PABPC4L: variants seen among roughly 807,000 people sequenced by gnomAD.
PABPC4L encodes the protein polyadenylate-binding protein 4-like.
For missense variants in PABPC4L, 452 were observed against 451.4 expected, an observed-to-expected ratio of 1.00 and a Z score of -0.01; for synonymous variants, 169 against 164.1, an observed-to-expected ratio of 1.03 and a Z score of -0.23.
At chr4:133,973,053 A>G in the PABPC4L span, among the ~76,000 whole-genome samples, 2 of 152,140 alleles carry the variant, frequency 1.3e-5, no homozygotes, top group Admixed American at 6.6e-5. Context: ...TAATAGATAG[A>G]ATATAATTTC....
At chr4:134,022,714 G>A in the PABPC4L span, among the ~76,000 whole-genome samples, 2 of 151,952 alleles carry the variant, frequency 1.3e-5, no homozygotes, top group South Asian at 4.2e-4. Context: ...ATTATAGACT[G>A]TCTTTAAGCT....
rs1729699841 is a variant in PABPC4L at position 134,197,498 on chromosome 4, C to CAAA, written c.*2408_*2409insTTT. ...TCAGTAGAATACTAAAACTTTCCAG[C>CAAA]TTAACATTCAATTTTGGAATAACCT... On this transcript the variant is annotated 3_prime_UTR_variant, in exon 2 of 2. Transcript: ENST00000421491. 1 of 151,526 alleles carries CAAA rather than the reference C, an allele frequency of 6.6e-6. No homozygotes were observed. Among genetic ancestry groups the CAAA allele is most frequent in the East Asian group, 1.9e-4 (1 of 5,186 alleles). The allele number at this position is 151,526 out of a possible 1,614,324, so 9.4% of individuals were successfully genotyped here.
At chr4:134,124,150 G>GGT in the PABPC4L span, among the ~76,000 whole-genome samples, 435 of 152,180 alleles carry the variant, frequency 2.9e-3, 2 homozygotes, top group Non-Finnish European at 4.1e-3. Context: ...CCTGTAATAA[G>GGT]TACTGTGAAA....
the PABPC4L span, among the ~76,000 whole-genome samples, chr4:134,056,522 C>G: frequency 6.6e-6 from 1 of 151,668 alleles, no homozygotes; most frequent in African/African-American, 2.4e-5. Context: ...GCAGTGGGTT[C>G]TATTTTTAAG....
At chr4:133,970,507 G>A in the PABPC4L span, among the ~76,000 whole-genome samples, 5 of 152,200 alleles carry the variant, frequency 3.3e-5, no homozygotes, top group African/African-American at 9.6e-5. Flanking sequence ...CTATCTTAGA[G>A]GCACTTTTAA....
At chr4:134,054,503 G>C in the PABPC4L span, among the ~76,000 whole-genome samples, 4 of 151,430 alleles carry the variant, frequency 2.6e-5, no homozygotes, top group South Asian at 8.3e-4. Context: ...CCCCATTACT[G>C]TTTTATAGCC....
chr4:134,011,826 A>G, the PABPC4L span, among the ~76,000 whole-genome samples: 5 of 152,250 alleles, frequency 3.3e-5, no homozygotes, highest in East Asian at 9.7e-4. Context: ...GTATTTAGGA[A>G]TTGCTTAAGC....
the PABPC4L span, among the ~76,000 whole-genome samples, chr4:134,026,678 T>G: frequency 2.6e-5 from 4 of 152,164 alleles, no homozygotes; most frequent in Non-Finnish European, 5.9e-5. Context: ...AATGTATCTT[T>G]ATTTGGAGAT....
chr4:134,142,903 C>A, the PABPC4L span, among the ~76,000 whole-genome samples: 21 of 151,452 alleles, frequency 1.4e-4, no homozygotes, highest in African/African-American at 4.6e-4. Flanking sequence ...TATTTCTTCC[C>A]AGTTGGTTCT....
At chr4:134,194,583 A>G (rs73858044), downstream of PABPC4L, among the ~76,000 whole-genome samples, 3,429 of 151,752 alleles carry the variant, frequency 0.023, 129 homozygotes, top group African/African-American at 0.078. Flanking sequence ...TGAAACAAAA[A>G]CCTATTCCTG....
chr4:133,960,076 A>C, the PABPC4L span, among the ~76,000 whole-genome samples: 78 of 152,346 alleles, frequency 5.1e-4, no homozygotes, highest in African/African-American at 1.9e-3. Flanking sequence ...AGGCAGAATT[A>C]CATTGCAGCT....
the PABPC4L span, among the ~76,000 whole-genome samples, chr4:133,957,041 A>G: frequency 3.3e-5 from 5 of 152,130 alleles, no homozygotes; most frequent in African/African-American, 1.2e-4. Flanking sequence ...GCTCCCATAT[A>G]TCATGTTCTC....
chr4:134,138,677 A>G, the PABPC4L span, among the ~76,000 whole-genome samples: 1 of 151,856 alleles, frequency 6.6e-6, no homozygotes, highest in Admixed American at 6.6e-5. Context: ...TTTTTTTTGA[A>G]ATTATAAAGC....
chr4:134,126,149 C>A, the PABPC4L span, among the ~76,000 whole-genome samples: 1 of 151,974 alleles, frequency 6.6e-6, no homozygotes, highest in Non-Finnish European at 1.5e-5. Context: ...AGAGAGAATG[C>A]ATCATATGAC....
the PABPC4L span, among the ~76,000 whole-genome samples, chr4:134,095,236 A>G: frequency 1.3e-5 from 2 of 151,928 alleles, no homozygotes; most frequent in East Asian, 3.9e-4. Context: ...ATCTGATGGT[A>G]TTGTTCTGAA....
chr4:133,988,143 T>C, the PABPC4L span, among the ~76,000 whole-genome samples: 1 of 152,152 alleles, frequency 6.6e-6, no homozygotes, highest in Non-Finnish European at 1.5e-5. Flanking sequence ...CAATTCAAGA[T>C]GATATTCGGG....
the PABPC4L span, among the ~76,000 whole-genome samples, chr4:133,952,703 A>T: frequency 1.3e-5 from 2 of 152,062 alleles, no homozygotes; most frequent in African/African-American, 2.4e-5. Flanking sequence ...CGAGGGGATT[A>T]ATTTTACTTT....
the PABPC4L span, among the ~76,000 whole-genome samples, chr4:133,962,826 C>T: frequency 6.6e-6 from 1 of 152,070 alleles, no homozygotes; most frequent in Admixed American, 6.5e-5. Context: ...CACTACCAAG[C>T]CAACACTACA....
the PABPC4L span, among the ~76,000 whole-genome samples, chr4:134,176,811 T>C: frequency 1.3e-5 from 2 of 152,230 alleles, no homozygotes; most frequent in African/African-American, 4.8e-5. Context: ...CACAGGGACC[T>C]GTGTAAGACT....
Sources: allele counts gnomAD v4.1 joint callset (sites outside exome capture counted in the v4.1 genomes callset), GRCh38; gene constraint gnomAD v4.1.1; transcripts MANE v1.5; gene names NCBI Gene and HGNC (gene_info 2026-07-23, HGNC 2026-07-21).